EEF1B2: variants seen among roughly 807,000 people sequenced by gnomAD.
EEF1B2 encodes eukaryotic translation elongation factor 1 beta 2.
Under a neutral mutation model 28.3 loss-of-function variants are expected in EEF1B2, and 12 were observed. The ratio of observed to expected loss-of-function variants is 0.42; its 90% CI spans 0.27 to 0.69. The LOEUF is 0.69. Ranked by LOEUF, EEF1B2 falls within the 30% of genes least tolerant of loss-of-function variation. The pLI is 0.22. For synonymous variants in EEF1B2, 83 were observed against 99.9 expected (o/e 0.83, Z 1.01); for missense variants, 234 against 272.6 (o/e 0.86, Z 1.00).
chr2:206,162,463 T>C, intron 4 of EEF1B2, 26 bp from the exon 5 acceptor site: 1 of 1,609,432 alleles, frequency 6.2e-7, no homozygotes, highest in Non-Finnish European at 8.5e-7. Flanking sequence ...ATTCATTATT[T>C]GAATAATGCT....
chr2:206,159,827 CTT>C (rs1687844066), upstream of EEF1B2: 1 of 784,452 alleles, frequency 1.3e-6, no homozygotes, highest in South Asian at 1.9e-5. Flanking sequence ...GACCTTTAAC[CTT>C]CGGTCCGGCG....
At chr2:206,162,308 C>T (rs751363521) in intron 4 of EEF1B2, 181 bp from the exon 5 acceptor site, 3 of 1,173,820 alleles carry the variant, frequency 2.6e-6, no homozygotes, top group Non-Finnish European at 3.8e-6. Flanking sequence ...TTAACACAAA[C>T]ACCTCTTTCT....
At chr2:206,160,910 C>T (rs1365505179) in intron 2 of EEF1B2, 200 bp downstream of exon 2, 9 of 854,042 alleles carry the variant, frequency 1.1e-5, no homozygotes, top group Non-Finnish European at 1.7e-5. Flanking sequence ...AGCAGCAATT[C>T]AACTTTTCCC....
rs753151319 is a variant in EEF1B2 at position 206,162,632 on chromosome 2, C to CTTT, written c.523+27_523+29dup. 10 of 1,230,304 alleles carry CTTT rather than the reference C, an allele frequency of 8.1e-6. No homozygotes were observed. The African/African-American group carries it at 1.2e-4, about 15-fold the overall frequency. The allele number at this position is 1,230,304 out of a possible 1,614,324, so 76.2% of individuals were successfully genotyped here. ...GGGCTCATGTGAGTTTAGGCTTTGC[C>CTTT]TTTTTTTTTTTGAAACTAACATCTG... On this transcript the variant is annotated intron_variant, in intron 5 of 5. Transcript: ENST00000392222.
In EEF1B2 at chr2:206,162,916, G is replaced by T. The variant is rs1687975790; in HGVS notation, c.*33G>T. The T allele has an allele frequency of 6.3e-7, 1 of 1,583,050 alleles. No individual in the cohort carries two copies. Among genetic ancestry groups the T allele is most frequent in the South Asian group, 1.1e-5 (1 of 88,296 alleles). On this transcript the variant is annotated 3_prime_UTR_variant, in exon 6 of 6. Coordinates refer to ENST00000392222, the MANE Select transcript of EEF1B2 (RefSeq NM_001959.4). ...CCTGGATCATGGCATTTAAATAAAA[G>T]ATTGAAAGATTACCTTTGGCTCTTG...
chr2:206,161,200 G>C, intron 2 of EEF1B2, 146 bp from the exon 3 acceptor site: 1 of 1,078,360 alleles, frequency 9.3e-7, no homozygotes, highest in African/African-American at 1.6e-5. Context: ...ACATATGACA[G>C]TGTTTACCTG....
In EEF1B2 at chr2:206,160,652, T is replaced by C. The variant is rs1687895156; in HGVS notation, c.145T>C (p.Leu49=). 2 of 1,614,096 alleles carry C rather than the reference T, an allele frequency of 1.2e-6. No individual in the cohort carries two copies. The highest frequency in any genetic ancestry group is 4.5e-5 in the East Asian group (2 of 44,850). The change falls in exon 2 of 6, where the codon TTG becomes CTG. Residue 49 remains leucine (L), a synonymous_variant. Transcript: ENST00000392222. ...CGTGTCCAGCCCACCGCCTGCCGAC[T>C]TGTGTCATGCCCTACGTTGGTATAA... ...EAVSSPPPAD[L]CHALRWYNHI... is the part of the protein sequence containing the mutation.
chr2:206,162,718 G>T lies in EEF1B2; in HGVS notation c.524-11G>T. ...TTTTCTAACTAGGATTTTTCTTAAT[G>T]CTCTTTTTAGCTAAACTAGTTCCAG... On this transcript the variant is annotated splice_polypyrimidine_tract_variant and intron_variant, in intron 5 of 5. Coordinates refer to ENST00000392222, the MANE Select transcript of EEF1B2 (RefSeq NM_001959.4). 6.2e-7 allele frequency: 1 copy of T among 1,612,880 alleles called. No homozygotes were observed. Among genetic ancestry groups the T allele is most frequent in the Non-Finnish European group, 8.5e-7 (1 of 1,179,814 alleles).
chr2:206,162,027 T>C lies in EEF1B2; in HGVS notation c.331-11T>C. 1 of 1,613,448 alleles carries C rather than the reference T, an allele frequency of 6.2e-7. No individual in the cohort carries two copies. Among genetic ancestry groups the C allele is most frequent in the Non-Finnish European group, 8.5e-7 (1 of 1,179,444 alleles). On this transcript the variant is annotated splice_polypyrimidine_tract_variant and intron_variant, in intron 3 of 5. Transcript: ENST00000392222. ...AGCTTTCTGAAGTGGATTAATTTTTTTTCTTTACAGGAAAGTGAAGAAGCA... is the reference window on the plus strand; with the variant it reads ...AGCTTTCTGAAGTGGATTAATTTTTCTTCTTTACAGGAAAGTGAAGAAGCA...
At chr2:206,162,413 T>G in intron 4 of EEF1B2, 76 bp from the exon 5 acceptor site, 1 of 1,604,012 alleles carries the variant, frequency 6.2e-7, no homozygotes, top group South Asian at 1.1e-5. Flanking sequence ...CAAATTGAGA[T>G]GGATTTGTTT....
At chr2:206,161,980 A>G in intron 3 of EEF1B2, 58 bp from the exon 4 acceptor site, 1 of 1,461,956 alleles carries the variant, frequency 6.8e-7, no homozygotes. Context: ...TGACCCCACT[A>G]GCTTTAAGCA....
intron 5 of EEF1B2, 49 bp downstream of exon 5, chr2:206,162,663 T>G: frequency 6.4e-7 from 1 of 1,574,754 alleles, no homozygotes; most frequent in Non-Finnish European, 8.5e-7. Context: ...ATCTGGAATT[T>G]GCCTACAGTT....
At chr2:206,160,081 G>C (rs1687861296) in intron 1 of EEF1B2, 22 bp downstream of exon 1, 1 of 1,607,958 alleles carries the variant, frequency 6.2e-7, no homozygotes, top group South Asian at 1.1e-5. Context: ...GGCTGAGTCG[G>C]GGTGGCGGGG....
intron 2 of EEF1B2, 56 bp downstream of exon 2, chr2:206,160,766 G>C: frequency 1.2e-6 from 2 of 1,613,330 alleles, no homozygotes; most frequent in Non-Finnish European, 1.7e-6. Flanking sequence ...AGTTTATCAG[G>C]ATGTTCACAT....
At chr2:206,162,359 A>G in intron 4 of EEF1B2, 130 bp from the exon 5 acceptor site, 2 of 1,408,614 alleles carry the variant, frequency 1.4e-6, no homozygotes, top group Non-Finnish European at 2.0e-6. Flanking sequence ...GACAGACACA[A>G]GATGTATCTG....
chr2:206,160,412 C>A, intron 1 of EEF1B2, 176 bp from the exon 2 acceptor site: 2 of 1,131,148 alleles, frequency 1.8e-6, no homozygotes, highest in South Asian at 1.6e-5. Flanking sequence ...CTCAGGATAG[C>A]GCGGTGACCC....
At chr2:206,160,295 A>C (rs981556591) in intron 1 of EEF1B2, among the ~76,000 whole-genome samples, 2 of 152,206 alleles carry the variant, frequency 1.3e-5, no homozygotes. Context: ...TTTACACTTA[A>C]TTCAGCCAGG....
chr2:206,161,432 A>T lies in EEF1B2; in HGVS notation c.290A>T (p.Asp97Val), dbSNP rs1166961375. 1 of 1,613,994 alleles carries T rather than the reference A, an allele frequency of 6.2e-7. No individual in the cohort carries two copies. The highest frequency in any genetic ancestry group is 8.5e-7 in the Non-Finnish European group (1 of 1,179,904). ...GGAAGTGGAGCTACAGATAGTAAAG[A>T]TGATGATGACATTGACCTCTTTGGA... ...TTGSGATDSK[D>V]DDDIDLFGSD... is the part of the protein sequence containing the mutation. The change falls in exon 3 of 6, where the codon GAT (aspartate) becomes GTT (valine). Residue 97 changes from aspartate (D) to valine (V), a missense_variant. Asp to Val is a radical substitution (Grantham distance 152). Coordinates refer to ENST00000392222, the MANE Select transcript of EEF1B2 (RefSeq NM_001959.4).
At chr2:206,162,240 T>C in intron 4 of EEF1B2, 136 bp downstream of exon 4, 1 of 1,074,856 alleles carries the variant, frequency 9.3e-7, no homozygotes, top group South Asian at 1.3e-5. Flanking sequence ...CCACAGCTAC[T>C]GGTCTGCAGC....
Sources: gnomAD v4.1 joint callset for allele counts (sites outside exome capture counted in the v4.1 genomes callset) on GRCh38, gnomAD v4.1.1 for gene constraint, MANE v1.5 for transcripts, NCBI Gene and HGNC (gene_info 2026-07-23, HGNC 2026-07-21) for gene names.